Variants in KCNQ2 observed in about 807,000 individuals in gnomAD.
The protein encoded by KCNQ2 is potassium voltage-gated channel subfamily Q member 2.
Under a neutral mutation model 84.8 loss-of-function variants are expected in KCNQ2, and 14 were observed. The observed-to-expected ratio is 0.17, with a 90% CI of 0.11 to 0.26. The LOEUF is 0.26. Among genes scored for constraint, KCNQ2 ranks in the 10% least tolerant of loss-of-function variants. KCNQ2 has a pLI of 1.00. For missense variants in KCNQ2, 788 were observed against 1,254.0 expected (o/e 0.63, Z 5.61); for synonymous variants, 599 against 554.1 (o/e 1.08, Z -1.14).
chr20:63,451,538 C>A (rs2081616125), intron 1 of KCNQ2, among the ~76,000 whole-genome samples: 1 of 152,200 alleles, frequency 6.6e-6, no homozygotes, highest in African/African-American at 2.4e-5. Flanking sequence ...AAGCCTGACC[C>A]TGTGGAAAGA....
At chr20:63,435,407 AGTT>A (rs1172834032) in intron 7 of KCNQ2, among the ~76,000 whole-genome samples, 1 of 150,592 alleles carries the variant, frequency 6.6e-6, no homozygotes, top group African/African-American at 2.4e-5. Context: ...AAAAAAAAAA[AGTT>A]GGCCATCCTA....
Position 63,404,419 on chromosome 20 carries a change from C to CG in KCNQ2, c.*2224dup, listed in dbSNP as rs2079880423. ...AAAGAGCAGGCGGGGCCACACCTGGCGGGGGAGGAAAGAGCAGGCGGGGTC... is the reference window on the plus strand; with the variant it reads ...AAAGAGCAGGCGGGGCCACACCTGGCGGGGGGAGGAAAGAGCAGGCGGGGTC... On this transcript the variant is annotated 3_prime_UTR_variant, in exon 17 of 17. Transcript: ENST00000359125. The CG allele has an allele frequency of 6.9e-6, 1 of 143,972 alleles. No homozygotes were observed. The highest frequency in any genetic ancestry group is 2.7e-5 in the African/African-American group (1 of 37,584). 8.9% of individuals were successfully genotyped at this position (143,972 alleles called of 1,614,324 possible).
intron 15 of KCNQ2, among the ~76,000 whole-genome samples, chr20:63,409,692 A>G (rs1169554843): frequency 6.6e-6 from 1 of 152,152 alleles, no homozygotes; most frequent in Non-Finnish European, 1.5e-5. Context: ...ACACCAGCCG[A>G]CGGGGCCAAG....
At chr20:63,470,690 C>G (rs957892786) in intron 1 of KCNQ2, among the ~76,000 whole-genome samples, 3 of 152,176 alleles carry the variant, frequency 2.0e-5, no homozygotes, top group African/African-American at 7.2e-5. Context: ...GGGTTCTATC[C>G]TACCCTCCTC....
chr20:63,408,090 G>A lies in KCNQ2; in HGVS notation c.1887+323C>T. 1 of 381,304 alleles carries A rather than the reference G, an allele frequency of 2.6e-6. No homozygotes were observed. The highest frequency in any genetic ancestry group is 2.5e-5 in the South Asian group (1 of 40,044). 23.6% of individuals were successfully genotyped at this position (381,304 alleles called of 1,614,324 possible). A position where few individuals can be genotyped will look rare whatever the true frequency, so the allele number is the denominator to read the frequency against. ...GTCGGGCAAGGAGGACAGAGAGGAG[G>A]AAGGCCAGGCAGGTACAACTTCCGG... On this transcript the variant is annotated intron_variant, in intron 16 of 16. Transcript: ENST00000359125. The surrounding 1 kb of genome is among the most constrained non-coding windows in gnomAD (Gnocchi z 5.0).
intron 1 of KCNQ2, among the ~76,000 whole-genome samples, chr20:63,451,888 G>T (rs1600817609): frequency 6.6e-6 from 1 of 152,366 alleles, no homozygotes; most frequent in East Asian, 1.9e-4. Flanking sequence ...CTGCTGCACG[G>T]CCCAGGGCGT....
rs760819036 is a variant in KCNQ2 at position 63,433,795 on chromosome 20, C to T, written c.1118+14G>A. Reference sequence around the variant, plus strand: ...TGAAACAGTTGCTTGGTGGCAGGTGCCCGGCGGCGGTACCTGTACATGGGC... The same window carrying T: ...TGAAACAGTTGCTTGGTGGCAGGTGTCCGGCGGCGGTACCTGTACATGGGC... On this transcript the variant is annotated intron_variant, in intron 8 of 16. Coordinates refer to ENST00000359125, the MANE Select transcript of KCNQ2 (RefSeq NM_172107.4). 1.2e-6 allele frequency: 2 copies of T among 1,613,876 alleles called. No individual in the cohort carries two copies. The highest frequency in any genetic ancestry group is 4.5e-5 in the East Asian group (2 of 44,888).
intron 8 of KCNQ2, chr20:63,433,564 C>T (rs2080893602): frequency 1.2e-5 from 9 of 723,154 alleles, no homozygotes; most frequent in South Asian, 7.6e-5. Flanking sequence ...AAACACAGCA[C>T]GACCCACGGC....
chr20:63,401,136 G>A lies in KCNQ2; in HGVS notation c.*5508C>T, dbSNP rs922780022. The A allele has an allele frequency of 1.4e-5, 5 of 359,340 alleles. No homozygotes were observed. Among genetic ancestry groups the A allele is most frequent in the South Asian group, 1.5e-4 (1 of 6,674 alleles). The allele number at this position is 359,340 out of a possible 1,614,324, so 22.3% of individuals were successfully genotyped here. ...CTCCTCGGCCAGCCAGGGGCACCAC[G>A]GCAAGTGTCCAAGCCCAGAGCACAC... On this transcript the variant is annotated 3_prime_UTR_variant, in exon 17 of 17. Transcript: ENST00000359125.
chr20:63,425,124 T>C lies in KCNQ2; in HGVS notation c.1218-918A>G, dbSNP rs1423575498. ...TGTGTCTCTGTGTCTTCTCCTCCTC[T>C]ACCTCTGTAAGGACAGCTGTCACCG... is the stretch of plus-strand genomic sequence containing the variant. On this transcript the variant is annotated intron_variant, in intron 10 of 16. Coordinates refer to ENST00000359125, the MANE Select transcript of KCNQ2 (RefSeq NM_172107.4). This position sits in a 1 kb window ranked among gnomAD's most constrained non-coding sequence, Gnocchi z 5.5. 6.6e-6 allele frequency among the ~76,000 whole-genome samples: 1 copy of C among 152,136 alleles called. No homozygotes were observed. The highest frequency in any genetic ancestry group is 6.5e-5 in the Admixed American group (1 of 15,280).
Position 63,403,979 on chromosome 20 carries a change from G to A in KCNQ2, c.*2665C>T, listed in dbSNP as rs2079863207. 1.3e-5 allele frequency: 2 copies of A among 152,352 alleles called. No individual in the cohort carries two copies. Among genetic ancestry groups the A allele is most frequent in the Non-Finnish European group, 2.9e-5 (2 of 68,134 alleles). 9.4% of individuals were successfully genotyped at this position (152,352 alleles called of 1,614,324 possible). On this transcript the variant is annotated 3_prime_UTR_variant, in exon 17 of 17. Transcript: ENST00000359125. ...CTAGAGTCTGGGGGGGCCCAAGACAGACCCTCTACCCCTTTGTCTCCCAAA... is the reference window on the plus strand; with the variant it reads ...CTAGAGTCTGGGGGGGCCCAAGACAAACCCTCTACCCCTTTGTCTCCCAAA...
Position 63,406,685 on chromosome 20 carries a change from C to T in KCNQ2, c.2578G>A (p.Gly860Ser). 6.2e-7 allele frequency: 1 copy of T among 1,604,498 alleles called. No homozygotes were observed. The highest frequency in any genetic ancestry group is 8.5e-7 in the Non-Finnish European group (1 of 1,177,422). The change falls in exon 17 of 17, where the codon GGT (glycine) becomes AGT (serine). Residue 860 changes from glycine to serine, a missense_variant. Transcript: ENST00000359125. ...GCCCAGCCCACGTCACCAAAGGGAC[C>T]CTCGCCGGTGGCCGAGCGTGGCGGG... ...GPPPRSATGEGPFGDVGWAGP... is the reference protein window; with the variant it reads ...GPPPRSATGESPFGDVGWAGP...
chr20:63,452,543 C>G (rs1036122085), intron 1 of KCNQ2, among the ~76,000 whole-genome samples: 1 of 152,214 alleles, frequency 6.6e-6, no homozygotes, highest in Non-Finnish European at 1.5e-5. Flanking sequence ...TGGCCACCAG[C>G]CGGGCACCAT....
chr20:63,467,863 C>T lies in KCNQ2; in HGVS notation c.296+4305G>A, dbSNP rs1202312376. On this transcript the variant is annotated intron_variant, in intron 1 of 16. Transcript: ENST00000359125. ...TGCCCAGCAGTGCCCATATCCAGGG[C>T]GCCGGCACCTCTGGAGAGACCGCGT... Among the ~76,000 whole-genome samples, 17 of 152,236 alleles carry T rather than the reference C, an allele frequency of 1.1e-4. No homozygotes were observed. In the South Asian group the frequency reaches 2.5e-3, roughly 22 times the overall value.
Position 63,438,597 on chromosome 20 carries a change from C to G in KCNQ2, c.1023+28G>C. On this transcript the variant is annotated intron_variant, in intron 7 of 16. Transcript: ENST00000359125. This position sits in a 1 kb window ranked among gnomAD's most constrained non-coding sequence, Gnocchi z 5.1. ...AGGTGGGACCAGGACAAGGGCTGTG[C>G]TGGTCCCCGGGGGACACCTGGACTC... 6.3e-7 allele frequency: 1 copy of G among 1,594,482 alleles called. No individual in the cohort carries two copies. The highest frequency in any genetic ancestry group is 1.3e-5 in the African/African-American group (1 of 74,636).
At chr20:63,431,829 G>A (rs555960514) in intron 8 of KCNQ2, among the ~76,000 whole-genome samples, 42 of 152,084 alleles carry the variant, frequency 2.8e-4, no homozygotes, top group Admixed American at 7.9e-4. Flanking sequence ...AGAATTCCCA[G>A]CCACACTGTG....
Position 63,426,726 on chromosome 20 carries a change from A to T in KCNQ2, c.1217+1641T>A, listed in dbSNP as rs2080645834. ...GTGGAGTCTCTGCCACCAACAACACAAGGACAGCCTTCCCTCCAGCTTCCA... is the reference window on the plus strand; with the variant it reads ...GTGGAGTCTCTGCCACCAACAACACTAGGACAGCCTTCCCTCCAGCTTCCA... On this transcript the variant is annotated intron_variant, in intron 10 of 16. Transcript: ENST00000359125. 1.3e-5 allele frequency among the ~76,000 whole-genome samples: 2 copies of T among 151,974 alleles called. 1 individual carries two copies. The highest frequency in any genetic ancestry group is 1.3e-4 in the Admixed American group (2 of 15,240).
intron 1 of KCNQ2, among the ~76,000 whole-genome samples, chr20:63,452,269 T>C (rs1600818835): frequency 6.6e-6 from 1 of 152,202 alleles, no homozygotes; most frequent in Admixed American, 6.5e-5. Flanking sequence ...CCCGAGGACG[T>C]CCCAGCTCCA....
chr20:63,445,185 G>T lies in KCNQ2; in HGVS notation c.514+53C>A. On this transcript the variant is annotated intron_variant, in intron 3 of 16. Transcript: ENST00000359125. ...CCCAGCTCCCCCCAGGGCTGAGTCC[G>T]TCCCTGGGTGCCTGGCCCTGATTCT... is the stretch of plus-strand genomic sequence containing the variant. 5.0e-6 allele frequency: 8 copies of T among 1,611,220 alleles called. No homozygotes were observed. The South Asian group carries it at 8.8e-5, about 18-fold the overall frequency.
Sources: allele counts gnomAD v4.1 joint callset (sites outside exome capture counted in the v4.1 genomes callset), GRCh38; gene constraint gnomAD v4.1.1; non-coding constraint Gnocchi (gnomAD v3.1); transcripts MANE v1.5; gene names NCBI Gene and HGNC (gene_info 2026-07-23, HGNC 2026-07-21).